Variants in DNER observed in about 807,000 individuals in gnomAD.
DNER encodes the protein delta/notch like EGF repeat containing.
In DNER, 33 loss-of-function variants were observed where a neutral mutation model predicts 78.2. The ratio of observed to expected loss-of-function variants is 0.42; its 90% CI spans 0.32 to 0.56. The LOEUF is 0.56. Ranked by LOEUF, DNER falls within the 20% of genes least tolerant of loss-of-function variation. The pLI is 0.11. For synonymous variants in DNER, 417 were observed against 384.8 expected, an observed-to-expected ratio of 1.08 and a Z score of -0.98; for missense variants, 918 against 975.3, an observed-to-expected ratio of 0.94 and a Z score of 0.78.
At chr2:229,607,273 T>C (rs930537012) in intron 1 of DNER, among the ~76,000 whole-genome samples, 2 of 152,204 alleles carry the variant, frequency 1.3e-5, no homozygotes, top group South Asian at 4.1e-4. Flanking sequence ...CTACTAAAGA[T>C]ATTAATAGCT....
intron 4 of DNER, among the ~76,000 whole-genome samples, chr2:229,578,468 A>G (rs1349595778): frequency 6.6e-6 from 1 of 152,238 alleles, no homozygotes; most frequent in African/African-American, 2.4e-5. Context: ...ATACACATCT[A>G]GAGACTTGAT....
chr2:229,683,826 ATGGGGGC>A (rs1402906537), intron 1 of DNER, among the ~76,000 whole-genome samples: 1 of 151,900 alleles, frequency 6.6e-6, no homozygotes, highest in Non-Finnish European at 1.5e-5. Flanking sequence ...CAAAGTAGGG[ATGGGGGC>A]TGGGGGCTGG....
chr2:229,505,177 AGTGTGT>A (rs144321798), intron 6 of DNER, among the ~76,000 whole-genome samples: 2,530 of 126,508 alleles, frequency 0.02, 44 homozygotes, highest in Middle Eastern at 0.057. Flanking sequence ...GTGTTGCTGC[AGTGTGT>A]GTGTGTGTGT....
chr2:229,653,646 T>G (rs1698860352), intron 1 of DNER, among the ~76,000 whole-genome samples: 1 of 152,150 alleles, frequency 6.6e-6, no homozygotes, highest in Non-Finnish European at 1.5e-5. Flanking sequence ...TAACTGGGGC[T>G]CATTTTACAT....
chr2:229,546,204 C>G (rs1459327990), intron 5 of DNER, among the ~76,000 whole-genome samples: 1 of 152,210 alleles, frequency 6.6e-6, no homozygotes, highest in Non-Finnish European at 1.5e-5. Context: ...TTCTTCCCTT[C>G]CACTCTTGCT....
intron 10 of DNER, among the ~76,000 whole-genome samples, chr2:229,399,988 A>G (rs1693233684): frequency 1.3e-5 from 2 of 152,034 alleles, no homozygotes; most frequent in Non-Finnish European, 2.9e-5. Context: ...TGATAAGACT[A>G]AATGCAAAAT....
intron 4 of DNER, among the ~76,000 whole-genome samples, chr2:229,571,230 C>T (rs1453673969): frequency 1.3e-5 from 2 of 152,002 alleles, no homozygotes; most frequent in African/African-American, 4.8e-5. Flanking sequence ...AAGGATGATG[C>T]CCAGGCCTGG....
At chr2:229,616,046 C>T (rs1325147798) in intron 1 of DNER, among the ~76,000 whole-genome samples, 1 of 152,200 alleles carries the variant, frequency 6.6e-6, no homozygotes, top group Admixed American at 6.5e-5. Flanking sequence ...AAAGTTGTTA[C>T]CCAAATAGAT....
intron 2 of DNER, among the ~76,000 whole-genome samples, chr2:229,590,470 T>C (rs1392838553): frequency 2.0e-5 from 3 of 151,968 alleles, no homozygotes; most frequent in Admixed American, 6.6e-5. Flanking sequence ...AGTAAAAAAA[T>C]AGTTGAGTGT....
chr2:229,596,128 C>A (rs1233477734), intron 1 of DNER, among the ~76,000 whole-genome samples: 1 of 152,098 alleles, frequency 6.6e-6, no homozygotes, highest in Non-Finnish European at 1.5e-5. Flanking sequence ...GTATCCACAG[C>A]CCTAGAACAG....
At chr2:229,469,739 T>C (rs1694883667) in intron 7 of DNER, among the ~76,000 whole-genome samples, 1 of 152,184 alleles carries the variant, frequency 6.6e-6, no homozygotes, top group African/African-American at 2.4e-5. Context: ...GGTCAGGAGT[T>C]CGAGACCAGC....
At chr2:229,603,778 A>C (rs1697879410) in intron 1 of DNER, among the ~76,000 whole-genome samples, 1 of 143,278 alleles carries the variant, frequency 7.0e-6, no homozygotes. Flanking sequence ...GTGCTTTGCA[A>C]TTTTTGTGCA....
intron 8 of DNER, among the ~76,000 whole-genome samples, chr2:229,442,384 G>A (rs1050064881): frequency 1.3e-5 from 2 of 152,130 alleles, no homozygotes; most frequent in African/African-American, 4.8e-5. Context: ...TTGTGGTGGT[G>A]GGTGCCTGTA....
intron 5 of DNER, among the ~76,000 whole-genome samples, chr2:229,531,504 G>T (rs1324331392): frequency 6.6e-6 from 1 of 152,108 alleles, no homozygotes; most frequent in African/African-American, 2.4e-5. Context: ...AAAAAAAAAT[G>T]GAAAATAACA....
intron 12 of DNER, among the ~76,000 whole-genome samples, chr2:229,365,166 T>C (rs1345979107): frequency 6.6e-6 from 1 of 152,080 alleles, no homozygotes; most frequent in Non-Finnish European, 1.5e-5. Flanking sequence ...ACAGAACCCA[T>C]TGATGAAGGA....
At chr2:229,681,450 T>C (rs1489142365) in intron 1 of DNER, among the ~76,000 whole-genome samples, 1 of 152,164 alleles carries the variant, frequency 6.6e-6, no homozygotes, top group Non-Finnish European at 1.5e-5. Context: ...AGACATGGTG[T>C]TACTCCTTTA....
chr2:229,707,435 C>G (rs990991822), intron 1 of DNER, among the ~76,000 whole-genome samples: 4 of 152,150 alleles, frequency 2.6e-5, no homozygotes, highest in African/African-American at 2.4e-5. Flanking sequence ...CCAGAACAGA[C>G]CTGGCACAAG....
At chr2:229,530,681 C>T (rs758107238) in intron 5 of DNER, among the ~76,000 whole-genome samples, 1 of 152,216 alleles carries the variant, frequency 6.6e-6, no homozygotes, top group Non-Finnish European at 1.5e-5. Flanking sequence ...TTCTCTATCC[C>T]TTATTGACTT....
intron 1 of DNER, among the ~76,000 whole-genome samples, chr2:229,603,558 T>C (rs1172763760): frequency 1.3e-5 from 2 of 152,140 alleles, no homozygotes; most frequent in Non-Finnish European, 2.9e-5. Context: ...TTTCCACTTG[T>C]GTAAAGAATA....
Sources: allele counts gnomAD v4.1 joint callset (sites outside exome capture counted in the v4.1 genomes callset), GRCh38; gene constraint gnomAD v4.1.1; transcripts MANE v1.5; gene names NCBI Gene and HGNC (gene_info 2026-07-23, HGNC 2026-07-21).